CSMD1: variants seen among roughly 807,000 people sequenced by gnomAD.
The protein encoded by CSMD1 is CUB and Sushi multiple domains 1.
CSMD1 carries 213 observed loss-of-function variants against 417.5 expected under a neutral mutation model. The observed-to-expected ratio is 0.51, with a 90% CI of 0.46 to 0.57. The LOEUF (loss-of-function observed/expected upper bound fraction) is 0.57, where lower values mean the gene tolerates loss of function less well. Ranked by LOEUF, CSMD1 falls within the 20% of genes least tolerant of loss-of-function variation. The pLI, the probability that CSMD1 is intolerant of heterozygous loss-of-function variation, is 0.00. For synonymous variants in CSMD1, 2,862 were observed against 1,736.8 expected (o/e 1.65, Z -16.11); for missense variants, 6,923 against 4,529.7 (o/e 1.53, Z -15.17).
At chr8:4,443,084 G>A (rs1177222845) in intron 2 of CSMD1, among the ~76,000 whole-genome samples, 1 of 152,138 alleles carries the variant, frequency 6.6e-6, no homozygotes, top group Non-Finnish European at 1.5e-5. Flanking sequence ...GGTGGTATCT[G>A]CCTTTACTTT....
At chr8:4,476,328 A>G (rs990297414) in intron 2 of CSMD1, among the ~76,000 whole-genome samples, 2 of 152,170 alleles carry the variant, frequency 1.3e-5, no homozygotes, top group East Asian at 3.9e-4. Flanking sequence ...TCACATGTCA[A>G]ATTTAGGATC....
At chr8:3,285,549 GTTATTA>G (rs1464166222) in intron 25 of CSMD1, among the ~76,000 whole-genome samples, 2 of 151,972 alleles carry the variant, frequency 1.3e-5, no homozygotes, top group African/African-American at 4.8e-5. Context: ...GTCATGTTCA[GTTATTA>G]TTAGTATTAT....
chr8:4,082,221 C>G (rs1800175908), intron 3 of CSMD1, among the ~76,000 whole-genome samples: 1 of 152,044 alleles, frequency 6.6e-6, no homozygotes, highest in Non-Finnish European at 1.5e-5. Context: ...ATTATGACCA[C>G]ACAGGTAAAA....
At chr8:3,927,293 C>T (rs1479465471) in intron 5 of CSMD1, among the ~76,000 whole-genome samples, 1 of 151,712 alleles carries the variant, frequency 6.6e-6, no homozygotes, top group African/African-American at 2.4e-5. Context: ...ATTAAGGTGC[C>T]AGACAGCATG....
At chr8:4,026,904 T>A (rs911393756) in intron 4 of CSMD1, among the ~76,000 whole-genome samples, 2 of 151,364 alleles carry the variant, frequency 1.3e-5, no homozygotes, top group African/African-American at 4.9e-5. Flanking sequence ...GCTGAGCGAA[T>A]TCTTTAAAAA....
intron 3 of CSMD1, among the ~76,000 whole-genome samples, chr8:4,324,987 C>T (rs1387948312): frequency 6.6e-6 from 1 of 152,122 alleles, no homozygotes; most frequent in East Asian, 1.9e-4. Flanking sequence ...GTTGACACAT[C>T]ATTGCATTCC....
intron 5 of CSMD1, among the ~76,000 whole-genome samples, chr8:3,845,069 T>C (rs902860922): frequency 4.6e-5 from 7 of 152,242 alleles, no homozygotes; most frequent in African/African-American, 1.7e-4. Flanking sequence ...GACTTTCATA[T>C]TATAGTTTAA....
At chr8:4,070,710 T>C (rs919101490) in intron 3 of CSMD1, among the ~76,000 whole-genome samples, 1 of 152,080 alleles carries the variant, frequency 6.6e-6, no homozygotes, top group Non-Finnish European at 1.5e-5. Flanking sequence ...TCACCACAGG[T>C]TGTTTCCATG....
chr8:4,034,087 G>A (rs926973971), intron 3 of CSMD1, among the ~76,000 whole-genome samples: 1 of 152,104 alleles, frequency 6.6e-6, no homozygotes, highest in African/African-American at 2.4e-5. Context: ...GCATGGGGGT[G>A]TATTTTAATG....
chr8:4,411,325 G>A (rs1243148368), intron 3 of CSMD1, among the ~76,000 whole-genome samples: 1 of 151,900 alleles, frequency 6.6e-6, no homozygotes, highest in Non-Finnish European at 1.5e-5. Flanking sequence ...AACTATTTCT[G>A]TGAGTGGATT....
At chr8:3,214,789 G>T (rs1797796215) in intron 29 of CSMD1, 98 bp from the exon 30 acceptor site, 2 of 855,430 alleles carry the variant, frequency 2.3e-6, no homozygotes, top group East Asian at 5.5e-5. Context: ...GTTATTTAGG[G>T]CCTAGAACAA....
chr8:3,896,895 T>C (rs1336790275), intron 5 of CSMD1, among the ~76,000 whole-genome samples: 2 of 152,084 alleles, frequency 1.3e-5, no homozygotes, highest in African/African-American at 4.8e-5. Flanking sequence ...TTCTATTTGA[T>C]GTTTGGTTCT....
chr8:3,057,987 T>C (rs989992890), intron 49 of CSMD1, among the ~76,000 whole-genome samples: 2 of 152,198 alleles, frequency 1.3e-5, no homozygotes, highest in African/African-American at 4.8e-5. Context: ...CCTCGCCAAG[T>C]ATCCACGCCG....
chr8:3,257,730 G>A (rs551088011), intron 26 of CSMD1, among the ~76,000 whole-genome samples: 9 of 152,156 alleles, frequency 5.9e-5, no homozygotes, highest in Non-Finnish European at 1.2e-4. Flanking sequence ...TGTTGGAGAA[G>A]CATGGACATT....
At chr8:3,120,534 G>A (rs1425183520) in intron 41 of CSMD1, among the ~76,000 whole-genome samples, 2 of 152,012 alleles carry the variant, frequency 1.3e-5, no homozygotes, top group East Asian at 3.9e-4. Flanking sequence ...CTAATGAAAT[G>A]GCATTGTTGC....
intron 1 of CSMD1, among the ~76,000 whole-genome samples, chr8:4,707,886 C>CAAAAAAAAAAA (rs552510236): frequency 1.3e-4 from 13 of 100,844 alleles, no homozygotes; most frequent in Non-Finnish European, 1.8e-4. Flanking sequence ...GACTTTGTTT[C>CAAAAAAAAAAA]AAAAAAAAAA....
At chr8:2,962,714 G>C (rs879181001) in intron 60 of CSMD1, 75 bp from the exon 61 acceptor site, 1 of 1,444,480 alleles carries the variant, frequency 6.9e-7, no homozygotes, top group African/African-American at 1.4e-5. Flanking sequence ...TTGGTAACTA[G>C]TTTCTGTTAA....
intron 54 of CSMD1, among the ~76,000 whole-genome samples, chr8:2,993,250 G>C (rs1371053497): frequency 6.6e-6 from 1 of 152,134 alleles, no homozygotes; most frequent in South Asian, 2.1e-4. Flanking sequence ...TTTTAAATTG[G>C]AGACACTTTT....
At chr8:4,088,800 T>C (rs1040423675) in intron 3 of CSMD1, among the ~76,000 whole-genome samples, 14 of 152,044 alleles carry the variant, frequency 9.2e-5, no homozygotes, top group Non-Finnish European at 1.6e-4. Flanking sequence ...CCAAACACAT[T>C]GATCCCTCAG....
Sources: allele counts gnomAD v4.1 joint callset (sites outside exome capture counted in the v4.1 genomes callset), GRCh38; gene constraint gnomAD v4.1.1; transcripts MANE v1.5; gene names NCBI Gene and HGNC (gene_info 2026-07-23, HGNC 2026-07-21).